AZIN2: variants seen among roughly 807,000 people sequenced by gnomAD.
AZIN2 encodes the protein ODC antizyme inhibitor-2.
A neutral mutation model predicts 47.8 loss-of-function variants in AZIN2; 28 were observed. The observed-to-expected ratio is 0.59, with a 90% CI of 0.43 to 0.80. AZIN2 has a LOEUF of 0.80. Among genes scored for constraint, AZIN2 ranks in the 30% least tolerant of loss-of-function variants. AZIN2 has a pLI of 0.00. For missense variants in AZIN2, 535 were observed against 582.5 expected (o/e 0.92, Z 0.84); for synonymous variants, 221 against 239.4 (o/e 0.92, Z 0.71).
In AZIN2 at chr1:33,081,167, GGCT is replaced by G. The variant is rs1641199282; in HGVS notation, c.-528_-526del. 6.5e-6 allele frequency: 1 copy of G among 153,632 alleles called. No individual in the cohort carries two copies. Among genetic ancestry groups the G allele is most frequent in the Admixed American group, 6.5e-5 (1 of 15,296 alleles). 9.5% of individuals were successfully genotyped at this position (153,632 alleles called of 1,614,324 possible). A position where few individuals can be genotyped will look rare whatever the true frequency, so the allele number is the denominator to read the frequency against. On this transcript the variant is annotated 5_prime_UTR_variant, in exon 1 of 12. Transcript: ENST00000294517. The surrounding 1 kb of genome is among the most constrained non-coding windows in gnomAD (Gnocchi z 4.2). ...CGGAAGGCGGGGCGTGGGGGTCTGT[GGCT>G]GCTGGGCTGGCGGGGCGCAGGCCGC...
intron 11 of AZIN2, 61 bp downstream of exon 11, chr1:33,118,177 CTTGAGAT>C: frequency 1.4e-6 from 2 of 1,466,382 alleles, no homozygotes; most frequent in Non-Finnish European, 1.8e-6. Flanking sequence ...ACGAGGGAAA[CTTGAGAT>C]TTGAGATTCT....
Position 33,120,169 on chromosome 1 carries a change from C to T in AZIN2, c.1370C>T (p.Ala457Val), listed in dbSNP as rs374073605. ...TLCVGPVFTP[A>V]SIM ...TGCGTGGGCCCTGTCTTCACCCCAGCGAGCATCATGTGAGTGGGCCTCGTT... is the reference window on the plus strand; with the variant it reads ...TGCGTGGGCCCTGTCTTCACCCCAGTGAGCATCATGTGAGTGGGCCTCGTT... Residue 457 changes from alanine to valine, a missense_variant, in exon 12 of 12, where the codon GCG (alanine) becomes GTG (valine). Physicochemically the swap from Ala to Val is moderately conservative, Grantham distance 64. Around this residue, in one of 3 missense-constraint regions of AZIN2, gnomAD observed 122 missense variants for 135.8 expected, o/e 0.90. Transcript: ENST00000294517. 1.7e-5 allele frequency: 27 copies of T among 1,607,638 alleles called. No individual in the cohort carries two copies. The highest frequency in any genetic ancestry group is 2.7e-5 in the African/African-American group (2 of 74,812).
intron 5 of AZIN2, among the ~76,000 whole-genome samples, chr1:33,088,112 C>T (rs907141981): frequency 2.0e-5 from 3 of 152,132 alleles, no homozygotes; most frequent in African/African-American, 4.8e-5. Flanking sequence ...TTATCTCCTC[C>T]CATGGCTTTA....
chr1:33,087,997 C>T (rs567317889), intron 5 of AZIN2, among the ~76,000 whole-genome samples: 29 of 152,234 alleles, frequency 1.9e-4, no homozygotes, highest in Admixed American at 3.9e-4. Context: ...CTGCAGGTCC[C>T]GGGTACCATC....
chr1:33,140,993 T>A, the AZIN2 span, among the ~76,000 whole-genome samples: 3 of 152,176 alleles, frequency 2.0e-5, no homozygotes, highest in East Asian at 3.8e-4. This position sits in a 1 kb window ranked among gnomAD's most constrained non-coding sequence, Gnocchi z 4.0. Context: ...GAGACTTGGA[T>A]CTGGCCCTGA....
At chr1:33,154,483 C>CT in the AZIN2 span, among the ~76,000 whole-genome samples, 42 of 150,018 alleles carry the variant, frequency 2.8e-4, no homozygotes, top group South Asian at 1.9e-3. Context: ...ATCTTTAGAT[C>CT]TTTTTTTTTT....
intron 7 of AZIN2, 121 bp from the exon 8 acceptor site, chr1:33,094,427 C>T (rs1642917881): frequency 7.5e-6 from 8 of 1,062,616 alleles, no homozygotes; most frequent in Non-Finnish European, 1.1e-5. Flanking sequence ...GGACCTTGGT[C>T]ACTGCATCTG....
chr1:33,109,869 A>G (rs1421274401), intron 10 of AZIN2, among the ~76,000 whole-genome samples: 1 of 152,176 alleles, frequency 6.6e-6, no homozygotes. Flanking sequence ...AGCATACAAA[A>G]CAGTGATTAT....
rs1228303423 is a variant in AZIN2, at chr1:33,113,069, G to A, written c.1030-4833G>A. Among the ~76,000 whole-genome samples the A allele has an allele frequency of 6.6e-6, 1 of 152,046 alleles. No homozygotes were observed. The highest frequency in any genetic ancestry group is 1.5e-5 in the Non-Finnish European group (1 of 68,008). On this transcript the variant is annotated intron_variant, in intron 10 of 11. Transcript: ENST00000294517. The surrounding 1 kb of genome is among the most constrained non-coding windows in gnomAD (Gnocchi z 4.1). ...GCTCACTGCAACCTCCACCTCCCAG[G>A]CTCAAGCGATTCTCTTGGGAGGCCT... is the stretch of plus-strand genomic sequence containing the variant.
chr1:33,124,373 T>G (rs1433177291), downstream of AZIN2, among the ~76,000 whole-genome samples: 2 of 151,626 alleles, frequency 1.3e-5, no homozygotes, highest in Non-Finnish European at 2.9e-5. This position sits in a 1 kb window ranked among gnomAD's most constrained non-coding sequence, Gnocchi z 4.6. Context: ...TCAGGATCTT[T>G]GGGAAGATTA....
rs1323635022 is a variant in AZIN2 at position 33,081,480 on chromosome 1, C to G, written c.-313C>G. 2 of 153,990 alleles carry G rather than the reference C, an allele frequency of 1.3e-5. No homozygotes were observed. Among genetic ancestry groups the G allele is most frequent in the African/African-American group, 4.8e-5 (2 of 41,466 alleles). The allele number at this position is 153,990 out of a possible 1,614,324, so 9.5% of individuals were successfully genotyped here. ...ACCCCCCCTAGCAGCGCGCCTGGCT[C>G]TGGCCCCCGCGAAGGAGGACGGAGT... On this transcript the variant is annotated 5_prime_UTR_variant, in exon 2 of 12. Coordinates refer to ENST00000294517, the MANE Select transcript of AZIN2 (RefSeq NM_052998.4). The surrounding 1 kb of genome is among the most constrained non-coding windows in gnomAD (Gnocchi z 4.2).
chr1:33,160,563 C>T, the AZIN2 span, among the ~76,000 whole-genome samples: 1 of 151,978 alleles, frequency 6.6e-6, no homozygotes, highest in Non-Finnish European at 1.5e-5. Context: ...CGCCACTATG[C>T]CCGGATAATT....
chr1:33,119,939 C>T lies in AZIN2; in HGVS notation c.1245-105C>T, dbSNP rs1015826814. 4.0e-6 allele frequency: 6 copies of T among 1,497,840 alleles called. No individual in the cohort carries two copies. The East Asian group carries it at 9.6e-5, about 24-fold the overall frequency. The allele number at this position is 1,497,840 out of a possible 1,614,324, so 92.8% of individuals were successfully genotyped here. ...GTCCCTGCCCCTGCCCTCAGCTGAG[C>T]TCGGGCTCACGTGAGAGCCCTCTGC... On this transcript the variant is annotated intron_variant, in intron 11 of 11. Coordinates refer to ENST00000294517, the MANE Select transcript of AZIN2 (RefSeq NM_052998.4).
chr1:33,114,862 C>G (rs1644466676), intron 10 of AZIN2, among the ~76,000 whole-genome samples: 2 of 151,902 alleles, frequency 1.3e-5, no homozygotes, highest in Non-Finnish European at 2.9e-5. Flanking sequence ...AGGCTGGCCT[C>G]AAACTCCTGA....
intron 5 of AZIN2, among the ~76,000 whole-genome samples, chr1:33,090,329 A>G (rs558761267): frequency 6.6e-6 from 1 of 152,334 alleles, no homozygotes; most frequent in African/African-American, 2.4e-5. Flanking sequence ...CTGAATGAAC[A>G]CAGTTGCTGT....
At chr1:33,158,188 CAG>C in the AZIN2 span, 31 of 1,471,100 alleles carry the variant, frequency 2.1e-5, no homozygotes, top group East Asian at 5.7e-4. Flanking sequence ...GTGTTTAGGA[CAG>C]GGGGCTGGGC....
At position 33,113,169 on chromosome 1, in the gene AZIN2, C is replaced by T. The variant is rs1320669939; in HGVS notation, c.1030-4733C>T. Among the ~76,000 whole-genome samples the T allele has an allele frequency of 6.6e-6, 1 of 152,102 alleles. No homozygotes were observed. Among genetic ancestry groups the T allele is most frequent in the African/African-American group, 2.4e-5 (1 of 41,428 alleles). ...AGATGGGGTAGAGATGGGGTTTCAC[C>T]GTGTTAACCAGGATGGTCTCGACCT... On this transcript the variant is annotated intron_variant, in intron 10 of 11. Transcript: ENST00000294517. This position sits in a 1 kb window ranked among gnomAD's most constrained non-coding sequence, Gnocchi z 4.1.
Position 33,092,106 on chromosome 1 carries a change from CA to C in AZIN2, c.338del (p.Asn113ThrfsTer20). On this transcript the variant is annotated frameshift_variant, in exon 6 of 12. Coordinates refer to ENST00000294517, the MANE Select transcript of AZIN2 (RefSeq NM_052998.4). LOFTEE classifies it high-confidence loss of function. ...GIPASKIICA[N>X]PCKQIAQIKY... is the part of the protein sequence containing the mutation. ...TCCCTGCCAGTAAGATCATCTGCGC[CA>C]ACCCCTGTAAGCAAATTGCACAGAT... is the stretch of plus-strand genomic sequence containing the variant. The C allele has an allele frequency of 1.2e-6, 2 of 1,614,188 alleles. No homozygotes were observed. Among genetic ancestry groups the C allele is most frequent in the Non-Finnish European group, 1.7e-6 (2 of 1,180,018 alleles).
chr1:33,096,944 T>G, intron 9 of AZIN2, 75 bp downstream of exon 9: 3 of 1,577,246 alleles, frequency 1.9e-6, no homozygotes, highest in Non-Finnish European at 2.6e-6. Context: ...CAGGATCTGG[T>G]TTTAGACCCA....
Sources: gnomAD v4.1 joint callset for allele counts (sites outside exome capture counted in the v4.1 genomes callset) on GRCh38, gnomAD v4.1.1 for gene constraint, gnomAD v4.1.1 regional missense constraint, Gnocchi (gnomAD v3.1) non-coding constraint, MANE v1.5 for transcripts, NCBI Gene and HGNC (gene_info 2026-07-23, HGNC 2026-07-21) for gene names.